Variants in ARGLU1 observed in about 807,000 individuals in gnomAD.
ARGLU1 encodes the protein arginine and glutamate-rich protein 1.
In ARGLU1, 9 loss-of-function variants were observed where a neutral mutation model predicts 37.6. The observed-to-expected ratio is 0.24, with a 90% confidence interval of 0.14 to 0.42. The LOEUF (loss-of-function observed/expected upper bound fraction) is 0.42, where lower values mean the gene tolerates loss of function less well. Among genes scored for constraint, ARGLU1 ranks in the 10% least tolerant of loss-of-function variants. The pLI, the probability that ARGLU1 is intolerant of heterozygous loss-of-function variation, is 1.00. For missense variants in ARGLU1, 211 were observed against 359.2 expected (o/e 0.59, Z 3.34); for synonymous variants, 166 against 138.5 (o/e 1.20, Z -1.39).
At position 106,567,467 on chromosome 13, in the gene ARGLU1, C is replaced by T. The variant is rs1484242854; in HGVS notation, c.347+106G>A. On this transcript the variant is annotated intron_variant, in intron 1 of 3. Coordinates refer to ENST00000400198, the MANE Select transcript of ARGLU1 (RefSeq NM_018011.4). The surrounding 1 kb of genome is among the most constrained non-coding windows in gnomAD (Gnocchi z 4.3). Reference sequence around the variant, plus strand: ...CCCGCGCCCGGTCCCCAGCCCCGGACCGTCCCCGCCATTCTCCCGGCCCGC... The same window carrying T: ...CCCGCGCCCGGTCCCCAGCCCCGGATCGTCCCCGCCATTCTCCCGGCCCGC... The T allele has an allele frequency of 5.1e-6, 4 of 790,254 alleles. No homozygotes were observed. In the East Asian group the frequency reaches 1.3e-4, roughly 25 times the overall value. The allele number at this position is 790,254 out of a possible 1,614,324, so 49.0% of individuals were successfully genotyped here. A position where few individuals can be genotyped will look rare whatever the true frequency, so the allele number is the denominator to read the frequency against.
At chr13:106,564,732 C>A (rs960030209) in intron 1 of ARGLU1, among the ~76,000 whole-genome samples, 12 of 152,200 alleles carry the variant, frequency 7.9e-5, no homozygotes, top group Admixed American at 7.2e-4. Context: ...AAGCCCCTCT[C>A]AGCTAGGCTT....
chr13:106,546,250 A>G (rs565658448), intron 3 of ARGLU1, among the ~76,000 whole-genome samples: 20 of 152,278 alleles, frequency 1.3e-4, no homozygotes, highest in African/African-American at 4.3e-4. Flanking sequence ...TTTCTTGACC[A>G]CTGCTCACTC....
At chr13:106,562,831 A>T (rs1880848403) in intron 1 of ARGLU1, among the ~76,000 whole-genome samples, 1 of 133,326 alleles carries the variant, frequency 7.5e-6, no homozygotes, top group Non-Finnish European at 1.6e-5. Flanking sequence ...CTCTACTAAA[A>T]ATAAAAATAA....
intron 1 of ARGLU1, among the ~76,000 whole-genome samples, chr13:106,561,426 C>T (rs7981490): frequency 2.9e-4 from 4 of 13,612 alleles, no homozygotes; most frequent in African/African-American, 6.6e-4. Flanking sequence ...ATAAAGTGTA[C>T]ACACACACAC....
chr13:106,548,196 AAACACT>A (rs1197006808), intron 3 of ARGLU1, among the ~76,000 whole-genome samples: 1 of 152,208 alleles, frequency 6.6e-6, no homozygotes, highest in Non-Finnish European at 1.5e-5. Context: ...AAGACTATTC[AAACACT>A]AACAACCGTC....
intron 3 of ARGLU1, among the ~76,000 whole-genome samples, chr13:106,546,583 T>C (rs1880396064): frequency 6.6e-6 from 1 of 152,100 alleles, no homozygotes; most frequent in African/African-American, 2.4e-5. Flanking sequence ...TTTATCCAGT[T>C]TTAATAAATC....
intron 3 of ARGLU1, among the ~76,000 whole-genome samples, chr13:106,544,678 T>C (rs974751002): frequency 1.3e-5 from 2 of 152,106 alleles, no homozygotes; most frequent in African/African-American, 4.8e-5. Context: ...ATTGCCATAT[T>C]TATAGTTGAA....
At chr13:106,564,571 T>C (rs951183761) in intron 1 of ARGLU1, among the ~76,000 whole-genome samples, 2 of 152,204 alleles carry the variant, frequency 1.3e-5, no homozygotes, top group East Asian at 3.8e-4. Flanking sequence ...CATATTTCTT[T>C]CTGCTTCCAC....
intron 3 of ARGLU1, among the ~76,000 whole-genome samples, chr13:106,547,163 C>G (rs920394381): frequency 6.6e-6 from 1 of 152,112 alleles, no homozygotes; most frequent in Non-Finnish European, 1.5e-5. Flanking sequence ...TCATGGGATG[C>G]CTGTGCCATG....
intron 1 of ARGLU1, among the ~76,000 whole-genome samples, chr13:106,565,458 C>T (rs963419297): frequency 1.3e-5 from 2 of 152,208 alleles, no homozygotes; most frequent in Non-Finnish European, 2.9e-5. Context: ...ATTTACTACA[C>T]TGTATTATTG....
intron 1 of ARGLU1, among the ~76,000 whole-genome samples, 195 bp from the exon 2 acceptor site, chr13:106,559,852 A>G (rs1415301146): frequency 2.0e-5 from 3 of 152,238 alleles, no homozygotes; most frequent in African/African-American, 7.2e-5. Flanking sequence ...AAATGAGTAT[A>G]AAATCTTTTT....
intron 3 of ARGLU1, among the ~76,000 whole-genome samples, chr13:106,549,509 A>G (rs924505367): frequency 6.6e-6 from 1 of 152,244 alleles, no homozygotes; most frequent in Non-Finnish European, 1.5e-5. Context: ...CTACGTCAGT[A>G]AATTTTTCTG....
At chr13:106,563,269 TCA>T (rs1418892090) in intron 1 of ARGLU1, among the ~76,000 whole-genome samples, 1 of 152,178 alleles carries the variant, frequency 6.6e-6, no homozygotes, top group Non-Finnish European at 1.5e-5. Flanking sequence ...ATCATTTAAA[TCA>T]CATAATTATT....
chr13:106,552,229 A>G (rs988210292), intron 3 of ARGLU1, among the ~76,000 whole-genome samples: 2 of 152,266 alleles, frequency 1.3e-5, no homozygotes, highest in Non-Finnish European at 1.5e-5. Flanking sequence ...ACAAAGTGGT[A>G]TAACACGATG....
At chr13:106,551,544 CCA>C (rs958361664) in intron 3 of ARGLU1, among the ~76,000 whole-genome samples, 4 of 152,212 alleles carry the variant, frequency 2.6e-5, no homozygotes, top group African/African-American at 7.2e-5. Context: ...GAGCCTCTAC[CCA>C]CTGTCCAATT....
rs749492766 is a variant in ARGLU1 at position 106,557,583 on chromosome 13, T to G, written c.574-452A>C. The stretch of plus-strand genomic sequence containing the variant: ...CTGTCTTGTCCAGTGTCCTGCAGAG[T>G]GTGCTCCTCGGCTGCCATACGCGCC... On this transcript the variant is annotated intron_variant, in intron 2 of 3. Transcript: ENST00000400198. The surrounding 1 kb of genome is among the most constrained non-coding windows in gnomAD (Gnocchi z 5.0). The G allele has an allele frequency of 6.2e-7, 1 of 1,608,062 alleles. No individual in the cohort carries two copies. Among genetic ancestry groups the G allele is most frequent in the East Asian group, 2.2e-5 (1 of 44,782 alleles).
At chr13:106,550,163 T>C (rs1880499371) in intron 3 of ARGLU1, among the ~76,000 whole-genome samples, 1 of 152,154 alleles carries the variant, frequency 6.6e-6, no homozygotes. Context: ...ACAACAGACT[T>C]TCCCCTGCGT....
rs145231350 is a variant in ARGLU1, at chr13:106,565,279, C to A, written c.347+2294G>T. Among the ~76,000 whole-genome samples the A allele has an allele frequency of 3.0e-3, 464 of 152,326 alleles. 1 individual carries two copies. Among genetic ancestry groups the A allele is most frequent in the African/African-American group, 0.011 (444 of 41,580 alleles). The stretch of plus-strand genomic sequence containing the variant: ...CTTCGTGTTCTAAGTCAACAGTCAC[C>A]TGATCATTCCACTTTTAAGACCATT... On this transcript the variant is annotated intron_variant, in intron 1 of 3. Coordinates refer to ENST00000400198, the MANE Select transcript of ARGLU1 (RefSeq NM_018011.4).
At chr13:106,551,421 A>G (rs1363106702) in intron 3 of ARGLU1, among the ~76,000 whole-genome samples, 2 of 152,158 alleles carry the variant, frequency 1.3e-5, no homozygotes, top group Non-Finnish European at 2.9e-5. Context: ...CCTCCAGTTT[A>G]TATGTTCCTA....
Sources: gnomAD v4.1 joint callset for allele counts (sites outside exome capture counted in the v4.1 genomes callset) on GRCh38, gnomAD v4.1.1 for gene constraint, Gnocchi (gnomAD v3.1) non-coding constraint, MANE v1.5 for transcripts, NCBI Gene and HGNC (gene_info 2026-07-23, HGNC 2026-07-21) for gene names.